The following DNM3 variants were observed in gnomAD, a reference collection of about 807,000 sequenced individuals.
DNM3 encodes dynamin 3.
Under a neutral mutation model 101.6 loss-of-function variants are expected in DNM3, and 47 were observed. The ratio of observed to expected loss-of-function variants is 0.46; its 90% CI spans 0.37 to 0.59. The LOEUF (loss-of-function observed/expected upper bound fraction) is 0.59, where lower values mean the gene tolerates loss of function less well. DNM3 is among the 20% of genes least tolerant of loss of function. The pLI is 0.00. For missense variants in DNM3, 849 were observed against 1,085.7 expected, an observed-to-expected ratio of 0.78 and a Z score of 3.06; for synonymous variants, 385 against 387.9, an observed-to-expected ratio of 0.99 and a Z score of 0.09.
intron 2 of DNM3, among the ~76,000 whole-genome samples, chr1:171,955,099 G>T (rs897220110): frequency 3.3e-5 from 5 of 152,172 alleles, no homozygotes; most frequent in African/African-American, 1.2e-4. Context: ...CTACCTTGTA[G>T]TTCTAGCTAG....
At chr1:171,863,939 C>T (rs1238831209) in intron 1 of DNM3, among the ~76,000 whole-genome samples, 1 of 152,164 alleles carries the variant, frequency 6.6e-6, no homozygotes, top group African/African-American at 2.4e-5. Context: ...GCTCTTTGAA[C>T]ACAGAAGAAT....
intron 1 of DNM3, among the ~76,000 whole-genome samples, chr1:171,888,791 G>A (rs1326869720): frequency 2.6e-5 from 4 of 152,098 alleles, no homozygotes; most frequent in Admixed American, 2.6e-4. Context: ...AGGTCTTAAA[G>A]AAATTCTGGG....
At chr1:172,321,826 C>T (rs879854068) in intron 16 of DNM3, among the ~76,000 whole-genome samples, 1 of 152,254 alleles carries the variant, frequency 6.6e-6, no homozygotes, top group South Asian at 2.1e-4. Flanking sequence ...CTTGGGAGAA[C>T]CAGGGTCCCA....
chr1:171,885,779 T>A (rs954765363), intron 1 of DNM3, among the ~76,000 whole-genome samples: 12 of 152,266 alleles, frequency 7.9e-5, no homozygotes, highest in African/African-American at 2.6e-4. Flanking sequence ...CTCCTTTGCT[T>A]TTCTCCTAAA....
chr1:172,336,993 T>TGGCTATCTTCCAATGTATC (rs2066461694), intron 17 of DNM3, among the ~76,000 whole-genome samples: 2 of 152,234 alleles, frequency 1.3e-5, no homozygotes, highest in African/African-American at 4.8e-5. Flanking sequence ...CAAAATGTAT[T>TGGCTATCTTCCAATGTATC]GGCTATCTTC....
intron 1 of DNM3, among the ~76,000 whole-genome samples, chr1:171,914,477 G>GA (rs1450861204): frequency 6.6e-6 from 1 of 152,056 alleles, no homozygotes; most frequent in African/African-American, 2.4e-5. Flanking sequence ...TGTTTTTAAG[G>GA]AAAAAAATTT....
At chr1:172,118,992 AT>A (rs761175849) in intron 13 of DNM3, among the ~76,000 whole-genome samples, 615 of 139,844 alleles carry the variant, frequency 4.4e-3, no homozygotes, top group Admixed American at 5.2e-3. Context: ...CTAGTTGTTA[AT>A]TTTTTTTTTT....
At chr1:171,964,233 T>G (rs1487813322) in intron 2 of DNM3, among the ~76,000 whole-genome samples, 1 of 152,178 alleles carries the variant, frequency 6.6e-6, no homozygotes, top group Non-Finnish European at 1.5e-5. Context: ...AGGAGAGAAT[T>G]AAGAGTCTGG....
Position 172,216,585 on chromosome 1 carries a change from G to A in DNM3, c.1660-36988G>A, listed in dbSNP as rs1254894219. ...AAAAGGTTACTTGGAAACACTCAAG[G>A]CCAAATTGGAGAAAAATGATTAATC... On this transcript the variant is annotated intron_variant, in intron 14 of 20. Transcript: ENST00000627582. Among the ~76,000 whole-genome samples the A allele has an allele frequency of 2.6e-5, 4 of 152,120 alleles. No individual in the cohort carries two copies. The South Asian group carries it at 8.3e-4, about 32-fold the overall frequency.
chr1:171,931,545 ATATT>A (rs540322233), intron 2 of DNM3, among the ~76,000 whole-genome samples: 10 of 152,284 alleles, frequency 6.6e-5, no homozygotes, highest in African/African-American at 2.2e-4. Flanking sequence ...TAAAAAGTAA[ATATT>A]TAGCACAGTG....
At chr1:172,025,676 C>A (rs539714724) in intron 4 of DNM3, among the ~76,000 whole-genome samples, 1 of 152,284 alleles carries the variant, frequency 6.6e-6, no homozygotes, top group African/African-American at 2.4e-5. Context: ...CTGGAGTGGA[C>A]CTCCAGCAAA....
At chr1:171,932,742 G>A (rs142604112) in intron 2 of DNM3, among the ~76,000 whole-genome samples, 1 of 152,104 alleles carries the variant, frequency 6.6e-6, no homozygotes, top group African/African-American at 2.4e-5. Context: ...ATTCTCTTGG[G>A]TATTTTAGTT....
chr1:171,997,925 G>A (rs1236263327), intron 4 of DNM3, among the ~76,000 whole-genome samples: 2 of 152,106 alleles, frequency 1.3e-5, no homozygotes, highest in East Asian at 3.9e-4. Flanking sequence ...ATGTGATTTG[G>A]CCTGCAGCAT....
chr1:171,949,324 A>C (rs1034224523), intron 2 of DNM3, among the ~76,000 whole-genome samples: 2 of 152,188 alleles, frequency 1.3e-5, no homozygotes, highest in Non-Finnish European at 2.9e-5. Flanking sequence ...AAGTGCAGGC[A>C]TAAGAAGGGG....
Position 172,106,847 on chromosome 1 carries a change from C to CTTTTTTTTTTTTTT in DNM3, c.1545+13983_1545+13996dup, listed in dbSNP as rs1165611083. 3.0e-3 allele frequency among the ~76,000 whole-genome samples: 204 copies of CTTTTTTTTTTTTTT among 67,960 alleles called. 29 individuals carry two copies. The highest frequency in any genetic ancestry group is 3.4e-3 in the Admixed American group (14 of 4,094). The allele number at this position is 67,960 out of a possible 152,430, so 44.6% of individuals were successfully genotyped here. On this transcript the variant is annotated intron_variant, in intron 13 of 20. Coordinates refer to ENST00000627582, the MANE Select transcript of DNM3 (RefSeq NM_015569.5). ...TTATTCAATTTAAGGTAACATTATT[C>CTTTTTTTTTTTTTT]TTTTTTTTTTTTTTTTTTTTTTTTG... is the stretch of plus-strand genomic sequence containing the variant.
At chr1:172,092,946 T>G in intron 13 of DNM3, 71 bp downstream of exon 13, 1 of 1,360,942 alleles carries the variant, frequency 7.3e-7, no homozygotes, top group Non-Finnish European at 1.0e-6. Context: ...TGATTGACTA[T>G]TTTTTTAATG....
Position 172,081,865 on chromosome 1 carries a change from A to C in DNM3, c.1456A>C (p.Ile486Leu). 6.2e-7 allele frequency: 1 copy of C among 1,613,286 alleles called. No individual in the cohort carries two copies. The highest frequency in any genetic ancestry group is 8.5e-7 in the Non-Finnish European group (1 of 1,179,554). ...ATTGATTGACATTCAAGTCTCTTACATCAACACCAACCATGAAGACTTCAT... is the reference window on the plus strand; with the variant it reads ...ATTGATTGACATTCAAGTCTCTTACCTCAACACCAACCATGAAGACTTCAT... Reference protein sequence around the residue: ...LLLIDIQVSYINTNHEDFIGF... With the variant: ...LLLIDIQVSYLNTNHEDFIGF... Residue 486 changes from isoleucine to leucine, a missense_variant, in exon 12 of 21, where the codon ATC becomes CTC. By Grantham distance (5) the Ile-to-Leu change is conservative (BLOSUM62 2). Transcript: ENST00000627582.
intron 15 of DNM3, among the ~76,000 whole-genome samples, chr1:172,266,337 A>G (rs1413168844): frequency 6.6e-6 from 1 of 152,136 alleles, no homozygotes; most frequent in Non-Finnish European, 1.5e-5. Context: ...GATATGGTTG[A>G]GTGTCGGATC....
intron 1 of DNM3, among the ~76,000 whole-genome samples, chr1:171,847,693 T>C (rs1378592559): frequency 6.6e-6 from 1 of 152,204 alleles, no homozygotes; most frequent in Non-Finnish European, 1.5e-5. Flanking sequence ...ATAAGTCATT[T>C]AGTTAAAGGA....
Sources: allele counts gnomAD v4.1 joint callset (sites outside exome capture counted in the v4.1 genomes callset), GRCh38; gene constraint gnomAD v4.1.1; transcripts MANE v1.5; gene names NCBI Gene and HGNC (gene_info 2026-07-23, HGNC 2026-07-21).